Variants in SLC16A7 observed in about 807,000 individuals in gnomAD.
SLC16A7 encodes solute carrier family 16 member 7.
In SLC16A7, 33 loss-of-function variants were observed where a neutral mutation model predicts 34.9. The ratio of observed to expected loss-of-function variants is 0.94; its 90% CI spans 0.72 to 1.26. SLC16A7 has a LOEUF of 1.26. Ranked by LOEUF, SLC16A7 falls within the 50% of genes most tolerant of loss-of-function variation. The pLI is 0.00. For missense variants in SLC16A7, 573 were observed against 578.1 expected, an observed-to-expected ratio of 0.99 and a Z score of 0.09; for synonymous variants, 201 against 206.6, an observed-to-expected ratio of 0.97 and a Z score of 0.23.
intron 2 of SLC16A7, among the ~76,000 whole-genome samples, chr12:59,672,182 G>A (rs201707384): frequency 1.6e-5 from 1 of 62,626 alleles, no homozygotes. Flanking sequence ...GTGTATATAT[G>A]CATATATACG....
chr12:59,658,020 A>C (rs1487841145), intron 2 of SLC16A7, among the ~76,000 whole-genome samples: 1 of 151,988 alleles, frequency 6.6e-6, no homozygotes, highest in African/African-American at 2.4e-5. Context: ...TTTCTCTAGT[A>C]TGAGGAAAAA....
intron 2 of SLC16A7, among the ~76,000 whole-genome samples, chr12:59,696,884 C>T (rs547656201): frequency 6.6e-6 from 1 of 151,822 alleles, no homozygotes; most frequent in South Asian, 2.1e-4. Context: ...CACCCTGGAA[C>T]CCATAGTTAT....
At chr12:59,658,031 C>T (rs187119501) in intron 2 of SLC16A7, among the ~76,000 whole-genome samples, 12 of 151,992 alleles carry the variant, frequency 7.9e-5, no homozygotes, top group African/African-American at 2.9e-4. Context: ...TGAGGAAAAA[C>T]AAAACAAAAT....
intron 3 of SLC16A7, among the ~76,000 whole-genome samples, chr12:59,752,434 A>G (rs1463991295): frequency 1.3e-5 from 2 of 152,250 alleles, no homozygotes; most frequent in African/African-American, 4.8e-5. Flanking sequence ...CTGAAAGCCA[A>G]GGCTCGAGAA....
chr12:59,781,779 A>C lies in SLC16A7; in HGVS notation c.*2100A>C, dbSNP rs1883264149. The C allele has an allele frequency of 6.6e-6, 1 of 152,428 alleles. No individual in the cohort carries two copies. The highest frequency in any genetic ancestry group is 1.9e-4 in the East Asian group (1 of 5,192). 9.4% of individuals were successfully genotyped at this position (152,428 alleles called of 1,614,324 possible). A position where few individuals can be genotyped will look rare whatever the true frequency, so the allele number is the denominator to read the frequency against. ...CTCTCCAATCATAAATTTTCAAAAA[A>C]AAATTCTACTTTCCAAAAAGTGTCT... On this transcript the variant is annotated 3_prime_UTR_variant, in exon 6 of 6. Transcript: ENST00000547379.
chr12:59,717,581 C>A (rs1421888754), intron 3 of SLC16A7, among the ~76,000 whole-genome samples: 4 of 152,106 alleles, frequency 2.6e-5, no homozygotes, highest in African/African-American at 9.7e-5. Flanking sequence ...CTAGATACAA[C>A]TTTTCAAAGG....
At chr12:59,746,657 C>A (rs941671794) in intron 3 of SLC16A7, among the ~76,000 whole-genome samples, 3 of 152,196 alleles carry the variant, frequency 2.0e-5, no homozygotes, top group African/African-American at 7.2e-5. Flanking sequence ...TCCAAATAGG[C>A]TGTCCTCTCA....
intron 1 of SLC16A7, among the ~76,000 whole-genome samples, chr12:59,636,327 AATT>A (rs1880423644): frequency 1.3e-5 from 2 of 152,128 alleles, no homozygotes; most frequent in Non-Finnish European, 2.9e-5. Flanking sequence ...ATTGAAGTTA[AATT>A]ATTATTCTCT....
chr12:59,692,238 A>T (rs1871750036), intron 2 of SLC16A7, among the ~76,000 whole-genome samples: 1 of 151,826 alleles, frequency 6.6e-6, no homozygotes, highest in Non-Finnish European at 1.5e-5. Context: ...TCTTTTTGTT[A>T]TAAGGATACA....
intron 3 of SLC16A7, among the ~76,000 whole-genome samples, chr12:59,766,659 C>A (rs193167315): frequency 1.3e-5 from 2 of 152,284 alleles, no homozygotes; most frequent in East Asian, 3.9e-4. Flanking sequence ...GTTGAACCAG[C>A]CTTGCATCCC....
rs779273864 is a variant in SLC16A7 at position 59,774,913 on chromosome 12, G to T, written c.618G>T (p.Lys206Asn). Residue 206 changes from lysine (K) to asparagine (N), a missense_variant, in exon 5 of 6, where the codon AAG becomes AAT. By Grantham distance (94) the Lys-to-Asn change is moderately conservative. Transcript: ENST00000547379. ...TTGGACCCAATCAAACCACTTCTAA[G>T]TCTAAAAATAAGACTGGCAAAACAG... ...RPLGPNQTTS[K>N]SKNKTGKTED... 7 of 1,613,870 alleles carry T rather than the reference G, an allele frequency of 4.3e-6. No individual in the cohort carries two copies. The South Asian group carries it at 7.7e-5, about 18-fold the overall frequency.
At position 59,652,288 on chromosome 12, in the gene SLC16A7, C is replaced by G. The variant is rs530885532; in HGVS notation, c.-129-2864C>G. 1.9e-3 allele frequency among the ~76,000 whole-genome samples: 283 copies of G among 151,816 alleles called. 4 individuals carry two copies. Among genetic ancestry groups the G allele is most frequent in the African/African-American group, 6.5e-3 (269 of 41,474 alleles). On this transcript the variant is annotated intron_variant, in intron 1 of 5. Coordinates refer to ENST00000547379, the MANE Select transcript of SLC16A7 (RefSeq NM_001270623.2). ...GTGTAAACATGAGTAACATATTTCC[C>G]CTATTATATCATACATTCCTAGCCC...
chr12:59,670,822 G>T (rs865934162), intron 2 of SLC16A7, among the ~76,000 whole-genome samples: 1 of 152,140 alleles, frequency 6.6e-6, no homozygotes, highest in African/African-American at 2.4e-5. Context: ...TGGGCTCATC[G>T]TGGTGGTCCA....
At chr12:59,653,612 T>G (rs909709767) in intron 1 of SLC16A7, among the ~76,000 whole-genome samples, 2 of 151,672 alleles carry the variant, frequency 1.3e-5, no homozygotes, top group African/African-American at 4.8e-5. Context: ...TCAAGTGAAT[T>G]TAATTATTGT....
intron 3 of SLC16A7, among the ~76,000 whole-genome samples, chr12:59,743,138 G>C (rs1272889620): frequency 6.6e-6 from 1 of 152,180 alleles, no homozygotes. Context: ...TCATCATGCT[G>C]TTTCACTGAT....
intron 2 of SLC16A7, among the ~76,000 whole-genome samples, chr12:59,678,048 GT>G (rs1870448135): frequency 6.6e-6 from 1 of 152,192 alleles, no homozygotes; most frequent in South Asian, 2.1e-4. Flanking sequence ...GTGTGGAGCA[GT>G]GAGGGACATG....
chr12:59,729,593 C>G (rs1020248961), intron 3 of SLC16A7, among the ~76,000 whole-genome samples: 1 of 152,046 alleles, frequency 6.6e-6, no homozygotes, highest in African/African-American at 2.4e-5. Context: ...GAAGCCCAAC[C>G]CTTTCCCTCC....
At chr12:59,645,857 A>ACAAT (rs1218891526) in intron 1 of SLC16A7, among the ~76,000 whole-genome samples, 9 of 152,172 alleles carry the variant, frequency 5.9e-5, no homozygotes, top group Non-Finnish European at 1.2e-4. Context: ...AATGAAGTCC[A>ACAAT]GGCTTAGGTG....
chr12:59,668,951 C>T (rs532956882), intron 2 of SLC16A7, among the ~76,000 whole-genome samples: 65 of 152,300 alleles, frequency 4.3e-4, no homozygotes, highest in African/African-American at 1.5e-3. Context: ...CCATGTTAGA[C>T]ATGGCTTTGG....
Sources: allele counts gnomAD v4.1 joint callset (sites outside exome capture counted in the v4.1 genomes callset), GRCh38; gene constraint gnomAD v4.1.1; transcripts MANE v1.5; gene names NCBI Gene and HGNC (gene_info 2026-07-23, HGNC 2026-07-21).